MALAT1: variants seen among roughly 807,000 people sequenced by gnomAD.
MALAT1 encodes the protein metastasis associated lung adenocarcinoma transcript 1.
exon 3 of MALAT1, chr11:65,503,210 T>C (rs1481381775): frequency 3.9e-6 from 2 of 513,430 alleles, no homozygotes; most frequent in Non-Finnish European, 7.8e-6. Context: ...AACTTGCATC[T>C]GCAGTATTGC....
exon 3 of MALAT1, chr11:65,499,296 C>T (rs1565674529): frequency 2.0e-6 from 1 of 511,986 alleles, no homozygotes; most frequent in Middle Eastern, 3.2e-4. Flanking sequence ...GTTTCTAAAA[C>T]ATGACGGAGG....
intron 1 of MALAT1, chr11:65,498,100 G>A (rs772489516): frequency 7.7e-6 from 4 of 518,798 alleles, no homozygotes; most frequent in South Asian, 4.2e-5. Flanking sequence ...GCATAACACA[G>A]AATCTGCAAA....
At chr11:65,504,329 T>G in intron 3 of MALAT1, 1 of 511,420 alleles carries the variant, frequency 2.0e-6, no homozygotes, top group Non-Finnish European at 3.9e-6. Flanking sequence ...TTTACAGACT[T>G]CACAGAGAAT....
exon 3 of MALAT1, chr11:65,499,400 C>T (rs11540795): frequency 2.9e-5 from 14 of 486,218 alleles, no homozygotes; most frequent in Non-Finnish European, 5.4e-5. Context: ...AATAGAAGGG[C>T]AATGCTTTTA....
exon 3 of MALAT1, chr11:65,500,717 A>G (rs1458607874): frequency 1.9e-6 from 1 of 519,034 alleles, no homozygotes; most frequent in Non-Finnish European, 3.8e-6. Context: ...AGAGGATCCT[A>G]GACCAGCATG....
chr11:65,498,806 T>C (rs1385609683), intron 2 of MALAT1: 1 of 518,816 alleles, frequency 1.9e-6, no homozygotes, highest in African/African-American at 1.9e-5. Context: ...CATGTTTCTT[T>C]TGTCTAAAGT....
exon 3 of MALAT1, chr11:65,502,934 C>T (rs373479266): frequency 1.0e-4 from 51 of 494,314 alleles, no homozygotes; most frequent in African/African-American, 5.4e-4. Flanking sequence ...ATGAGAAATA[C>T]AATGAAGAGG....
rs772283088 is a variant in MALAT1 at position 65,502,879 on chromosome 11, A to G, written n.4142A>G. On this transcript the variant is annotated non_coding_transcript_exon_variant, in exon 3 of 4. Transcript: ENST00000619449. ...TTAAAGTTACGGAATCTACCATTTTAAAGTTAATTGCTTGTCAAGCTATAA... is the reference window on the plus strand; with the variant it reads ...TTAAAGTTACGGAATCTACCATTTTGAAGTTAATTGCTTGTCAAGCTATAA... The G allele has an allele frequency of 1.0e-4, 50 of 492,628 alleles. 1 individual carries two copies. The highest frequency in any genetic ancestry group is 7.3e-4 in the South Asian group (49 of 67,464). 30.5% of individuals were successfully genotyped at this position (492,628 alleles called of 1,614,324 possible). A position where few individuals can be genotyped will look rare whatever the true frequency, so the allele number is the denominator to read the frequency against.
chr11:65,499,417 A>G (rs780996041), exon 3 of MALAT1: 2 of 482,410 alleles, frequency 4.1e-6, no homozygotes, highest in Admixed American at 2.2e-5. Context: ...TTTAGATTAA[A>G]ATGAAGGTGA....
exon 3 of MALAT1, chr11:65,503,475 T>C (rs764918133): frequency 1.9e-6 from 1 of 517,600 alleles, no homozygotes; most frequent in Admixed American, 1.9e-5. Context: ...TAAGGAAATT[T>C]GTTTAGCATT....
chr11:65,505,158 G>A (rs755716991), intron 3 of MALAT1: 2 of 518,752 alleles, frequency 3.9e-6, no homozygotes, highest in African/African-American at 3.9e-5. Flanking sequence ...GGTGAGGTGG[G>A]CGCTAAGCCT....
intron 3 of MALAT1, chr11:65,505,541 A>G (rs769365311): frequency 3.9e-6 from 2 of 515,814 alleles, no homozygotes; most frequent in South Asian, 1.4e-5. Flanking sequence ...GTCTCCCCAC[A>G]AGCAACTTCT....
chr11:65,500,770 A>G (rs1213983157), exon 3 of MALAT1: 1 of 518,886 alleles, frequency 1.9e-6, no homozygotes, highest in Non-Finnish European at 3.8e-6. Context: ...GTTGGTAAAA[A>G]TCCGTGAGGT....
At chr11:65,500,193 A>G in exon 3 of MALAT1, 1 of 509,748 alleles carries the variant, frequency 2.0e-6, no homozygotes, top group South Asian at 1.4e-5. Flanking sequence ...AATTTAAAAA[A>G]AACTAAGGCA....
At chr11:65,500,333 A>G (rs757424935) in exon 3 of MALAT1, 3 of 518,428 alleles carry the variant, frequency 5.8e-6, no homozygotes, top group Admixed American at 1.9e-5. Context: ...ATGTTTTTGC[A>G]TTGGACTTTG....
chr11:65,497,958 G>C (rs373055245), intron 1 of MALAT1: 1 of 518,962 alleles, frequency 1.9e-6, no homozygotes, highest in South Asian at 1.4e-5. Context: ...TGTCCTTATA[G>C]GCTGGCCATT....
exon 3 of MALAT1, chr11:65,500,405 C>G (rs756414430): frequency 1.2e-5 from 6 of 518,940 alleles, no homozygotes; most frequent in Non-Finnish European, 2.3e-5. Context: ...CCAGGTGCTA[C>G]ACAGAAGTGG....
At chr11:65,504,274 G>A (rs755809817) in intron 3 of MALAT1, 1 of 517,472 alleles carries the variant, frequency 1.9e-6, no homozygotes, top group Non-Finnish European at 3.9e-6. Flanking sequence ...AATTTGGAGG[G>A]ATGGGAGGAG....
At chr11:65,501,543 G>A (rs1271541994) in exon 3 of MALAT1, 5 of 518,864 alleles carry the variant, frequency 9.6e-6, no homozygotes, top group Admixed American at 3.9e-5. Flanking sequence ...GTCTTAACAG[G>A]GAAGAGAGAG....
Sources: gnomAD v4.1 joint callset for allele counts on GRCh38, gnomAD v4.1.1 for gene constraint, MANE v1.5 for transcripts, NCBI Gene and HGNC (gene_info 2026-07-23, HGNC 2026-07-21) for gene names.